CFAP54: variants seen among roughly 807,000 people sequenced by gnomAD.
CFAP54 encodes the protein cilia- and flagella-associated protein 54.
Under a neutral mutation model 370.4 loss-of-function variants are expected in CFAP54, and 290 were observed. The observed-to-expected ratio is 0.78, with a 90% confidence interval of 0.71 to 0.86. The LOEUF (loss-of-function observed/expected upper bound fraction) is 0.86, where lower values mean the gene tolerates loss of function less well. CFAP54 is among the 40% of genes least tolerant of loss of function. CFAP54 has a pLI of 0.00. For missense variants in CFAP54, 3,399 were observed against 3,528.7 expected (o/e 0.96, Z 0.93); for synonymous variants, 1,206 against 1,236.5 (o/e 0.98, Z 0.52).
chr12:96,518,100 C>A (rs575795090), intron 5 of CFAP54, among the ~76,000 whole-genome samples: 18 of 152,320 alleles, frequency 1.2e-4, no homozygotes, highest in African/African-American at 4.1e-4. Flanking sequence ...AAAAAATACC[C>A]ATTTTACAGA....
At chr12:96,672,897 G>A (rs1455226785) in intron 39 of CFAP54, among the ~76,000 whole-genome samples, 1 of 152,178 alleles carries the variant, frequency 6.6e-6, no homozygotes, top group Non-Finnish European at 1.5e-5. Flanking sequence ...TGTACCTGTA[G>A]ATGTTTACTG....
At chr12:96,496,959 G>A (rs772114508) in intron 1 of CFAP54, among the ~76,000 whole-genome samples, 30 of 152,084 alleles carry the variant, frequency 2.0e-4, no homozygotes, top group Admixed American at 2.0e-4. Context: ...AGCTCTAAGT[G>A]GATTGACTGG....
chr12:96,577,905 A>G (rs1238710559), intron 20 of CFAP54, among the ~76,000 whole-genome samples: 1 of 152,046 alleles, frequency 6.6e-6, no homozygotes, highest in South Asian at 2.1e-4. Flanking sequence ...TACTAAAAAT[A>G]TAAAAAATTA....
At chr12:96,540,718 A>G in intron 13 of CFAP54, 119 bp from the exon 14 acceptor site, 1 of 547,602 alleles carries the variant, frequency 1.8e-6, no homozygotes, top group Non-Finnish European at 2.9e-6. Context: ...GTACCTGTGT[A>G]ACATTTCCAT....
intron 51 of CFAP54, among the ~76,000 whole-genome samples, chr12:96,740,885 G>A (rs1252567606): frequency 6.6e-6 from 1 of 152,168 alleles, no homozygotes; most frequent in Non-Finnish European, 1.5e-5. Flanking sequence ...CTAGGTAGAG[G>A]CCAGAGAAGT....
intron 26 of CFAP54, among the ~76,000 whole-genome samples, chr12:96,615,166 A>G (rs1396180275): frequency 6.6e-6 from 1 of 152,236 alleles, no homozygotes; most frequent in Admixed American, 6.5e-5. Context: ...AAAGAGAGAT[A>G]TAGATCAATG....
chr12:96,554,684 C>G lies in CFAP54; in HGVS notation c.2292C>G (p.His764Gln), dbSNP rs1259497461. Residue 764 changes from histidine to glutamine, a missense_variant, in exon 17 of 68, where the codon CAC (histidine) becomes CAG (glutamine). By Grantham distance (24) the His-to-Gln change is conservative. Transcript: ENST00000524981. The stretch of plus-strand genomic sequence containing the variant: ...ACTCTGTTGGACCAAAGCGTACCCA[C>G]CATATAGATGGAGATACTTACAAAC... ...VIDHCYAKRTHHIDGDTYKPL... is the reference protein window; with the variant it reads ...VIDHCYAKRTQHIDGDTYKPL... The G allele has an allele frequency of 6.5e-7, 1 of 1,532,686 alleles. No homozygotes were observed. The highest frequency in any genetic ancestry group is 1.2e-5 in the South Asian group (1 of 83,414). The allele number at this position is 1,532,686 out of a possible 1,614,324, so 94.9% of individuals were successfully genotyped here. A position where few individuals can be genotyped will look rare whatever the true frequency, so the allele number is the denominator to read the frequency against.
In CFAP54 at chr12:96,626,923, C is replaced by A; in HGVS notation, c.4087C>A (p.His1363Asn). 7.2e-7 allele frequency: 1 copy of A among 1,387,596 alleles called. No individual in the cohort carries two copies. The highest frequency in any genetic ancestry group is 9.4e-7 in the Non-Finnish European group (1 of 1,062,298). 86.0% of individuals were successfully genotyped at this position (1,387,596 alleles called of 1,614,324 possible). ...HLMVEVTTPV[H>N]DFLKRRNESL... Reference sequence around the variant, plus strand: ...TATGGTAGAGGTAACAACTCCTGTCCATGACTTCTTGAAAAGGTACTTGCA... The same window carrying A: ...TATGGTAGAGGTAACAACTCCTGTCAATGACTTCTTGAAAAGGTACTTGCA... The change falls in exon 30 of 68, where the codon CAT becomes AAT. Residue 1363 changes from histidine to asparagine, a missense_variant. By Grantham distance (68) the His-to-Asn change is moderately conservative. Around this residue, in one of 3 missense-constraint regions of CFAP54, gnomAD observed 2,796 missense variants for 2,869.7 expected, o/e 0.97. Coordinates refer to ENST00000524981, the MANE Select transcript of CFAP54 (RefSeq NM_001306084.2).
intron 40 of CFAP54, among the ~76,000 whole-genome samples, chr12:96,682,918 G>A (rs1380393487): frequency 1.3e-5 from 2 of 152,030 alleles, no homozygotes; most frequent in African/African-American, 4.8e-5. Flanking sequence ...CTCTTTGTGG[G>A]GATGGAGATG....
rs886127357 is a variant in CFAP54, at chr12:96,860,159, T to A, written c.9172-660T>A. ...ATTTTTTTTTTTTTTTTTTTTTTTTTAACCAGGATTCAGACCCACAAGGCT... is the reference window on the plus strand; with the variant it reads ...ATTTTTTTTTTTTTTTTTTTTTTTTAAACCAGGATTCAGACCCACAAGGCT... On this transcript the variant is annotated intron_variant, in intron 66 of 67. Coordinates refer to ENST00000524981, the MANE Select transcript of CFAP54 (RefSeq NM_001306084.2). 1.2e-4 allele frequency among the ~76,000 whole-genome samples: 12 copies of A among 97,460 alleles called. No homozygotes were observed. In the South Asian group the frequency reaches 2.2e-3, roughly 18 times the overall value. 63.9% of individuals were successfully genotyped at this position (97,460 alleles called of 152,430 possible).
intron 67 of CFAP54, among the ~76,000 whole-genome samples, chr12:96,874,839 G>T (rs1311304848): frequency 6.6e-6 from 1 of 151,288 alleles, no homozygotes; most frequent in Non-Finnish European, 1.5e-5. Context: ...CCTTGGTCTC[G>T]ATCTCCTGAC....
intron 60 of CFAP54, among the ~76,000 whole-genome samples, chr12:96,784,338 C>G (rs1958608746): frequency 6.6e-6 from 1 of 151,958 alleles, no homozygotes; most frequent in Admixed American, 6.6e-5. Flanking sequence ...TTGCATTTTT[C>G]TAATTTTTAG....
At chr12:96,685,290 G>A (rs1340831288) in intron 42 of CFAP54, 52 bp downstream of exon 42, 3 of 1,554,482 alleles carry the variant, frequency 1.9e-6, no homozygotes, top group Non-Finnish European at 2.7e-6. Context: ...TTCCTTGTGG[G>A]GTGCCCTCCT....
chr12:96,529,859 T>A (rs1381582703), intron 9 of CFAP54, among the ~76,000 whole-genome samples: 1 of 152,196 alleles, frequency 6.6e-6, no homozygotes, highest in African/African-American at 2.4e-5. Flanking sequence ...CAATATATCC[T>A]ATATAGTTGA....
chr12:96,566,733 CACTT>C (rs1446602976), intron 19 of CFAP54, among the ~76,000 whole-genome samples: 2 of 152,096 alleles, frequency 1.3e-5, no homozygotes, highest in Non-Finnish European at 2.9e-5. Flanking sequence ...TGGTATGTAG[CACTT>C]ACTTGTTATC....
intron 67 of CFAP54, among the ~76,000 whole-genome samples, chr12:96,872,650 T>C (rs931641043): frequency 6.6e-6 from 1 of 152,238 alleles, no homozygotes; most frequent in African/African-American, 2.4e-5. Flanking sequence ...TTTTTTAACA[T>C]CTAGTACAGT....
chr12:96,753,967 T>G, intron 56 of CFAP54, 69 bp downstream of exon 56: 1 of 1,499,034 alleles, frequency 6.7e-7, no homozygotes, highest in Non-Finnish European at 9.1e-7. Context: ...ACAACAGGAT[T>G]CTTGAAAATC....
chr12:96,500,008 T>C (rs1736735510), intron 1 of CFAP54, among the ~76,000 whole-genome samples: 1 of 150,840 alleles, frequency 6.6e-6, no homozygotes, highest in Non-Finnish European at 1.5e-5. Context: ...CATCAGTATT[T>C]CTAGCAGCCT....
intron 65 of CFAP54, among the ~76,000 whole-genome samples, chr12:96,826,615 C>T (rs1169643190): frequency 3.0e-5 from 3 of 100,896 alleles, no homozygotes; most frequent in African/African-American, 1.2e-4. Context: ...GATAATATAT[C>T]ATGATATATG....
Sources: allele counts gnomAD v4.1 joint callset (sites outside exome capture counted in the v4.1 genomes callset), GRCh38; gene constraint gnomAD v4.1.1; regional missense constraint gnomAD v4.1.1; transcripts MANE v1.5; gene names NCBI Gene and HGNC (gene_info 2026-07-23, HGNC 2026-07-21).